Variants in MCU observed in about 807,000 individuals in gnomAD.
MCU encodes the protein mitochondrial calcium uniporter.
In MCU, 12 loss-of-function variants were observed where a neutral mutation model predicts 45.2. The ratio of observed to expected loss-of-function variants is 0.27; its 90% CI spans 0.17 to 0.43. MCU has a LOEUF of 0.43. Among genes scored for constraint, MCU ranks in the 20% least tolerant of loss-of-function variants. MCU has a pLI of 1.00. For synonymous variants in MCU, 160 were observed against 165.1 expected, an observed-to-expected ratio of 0.97 and a Z score of 0.24; for missense variants, 324 against 436.7, an observed-to-expected ratio of 0.74 and a Z score of 2.30.
intron 2 of MCU, among the ~76,000 whole-genome samples, chr10:72,852,544 A>G (rs1845223191): frequency 6.6e-6 from 1 of 152,246 alleles, no homozygotes; most frequent in Non-Finnish European, 1.5e-5. Context: ...CAATAGGCAC[A>G]CAGGACTGTG....
chr10:72,719,351 A>AATC (rs1253863143), intron 1 of MCU, among the ~76,000 whole-genome samples: 1 of 152,206 alleles, frequency 6.6e-6, no homozygotes, highest in Non-Finnish European at 1.5e-5. Flanking sequence ...TGATGTTAAT[A>AATC]ATCTGTTGTT....
chr10:72,707,121 C>T (rs1042481499), intron 1 of MCU, among the ~76,000 whole-genome samples: 1 of 151,724 alleles, frequency 6.6e-6, no homozygotes, highest in Non-Finnish European at 1.5e-5. Context: ...TGAGCCACCA[C>T]ACCTGGGCGG....
Position 72,885,913 on chromosome 10 carries a change from G to A in MCU, c.*91G>A, listed in dbSNP as rs905601658. On this transcript the variant is annotated 3_prime_UTR_variant, in exon 8 of 8. Coordinates refer to ENST00000373053, the MANE Select transcript of MCU (RefSeq NM_138357.3). ...AGGTGGAAGCTGGGAGCCATGTGGG[G>A]GGTAGAGCGTTTTTACCTTTAATTA... 5.1e-6 allele frequency: 5 copies of A among 982,678 alleles called. No homozygotes were observed. Among genetic ancestry groups the A allele is most frequent in the African/African-American group, 4.9e-5 (3 of 61,418 alleles). 60.9% of individuals were successfully genotyped at this position (982,678 alleles called of 1,614,324 possible). A position where few individuals can be genotyped will look rare whatever the true frequency, so the allele number is the denominator to read the frequency against.
At chr10:72,692,736 T>A in intron 1 of MCU, 1 of 1,285,426 alleles carries the variant, frequency 7.8e-7, no homozygotes, top group Non-Finnish European at 9.8e-7. Context: ...CCGCCTTGTG[T>A]GTGCCAGGAG....
At position 72,704,818 on chromosome 10, in the gene MCU, T is replaced by C. The variant is rs1347372365; in HGVS notation, c.150+12517T>C. The stretch of plus-strand genomic sequence containing the variant: ...CAACCTCCACCTCCTGGGTTCTGGT[T>C]CAAGCAGTTCTCCTACCTCAGCCTC... On this transcript the variant is annotated intron_variant, in intron 1 of 7. Coordinates refer to ENST00000373053, the MANE Select transcript of MCU (RefSeq NM_138357.3). Among the ~76,000 whole-genome samples the C allele has an allele frequency of 4.0e-5, 6 of 150,490 alleles. No individual in the cohort carries two copies. The East Asian group carries it at 1.2e-3, about 29-fold the overall frequency.
At position 72,693,029 on chromosome 10, in the gene MCU, G is replaced by A. The variant is rs764882801; in HGVS notation, c.150+728G>A. 24 of 1,536,176 alleles carry A rather than the reference G, an allele frequency of 1.6e-5. 2 individuals carry two copies. The South Asian group carries it at 2.7e-4, about 18-fold the overall frequency. On this transcript the variant is annotated intron_variant, in intron 1 of 7. Coordinates refer to ENST00000373053, the MANE Select transcript of MCU (RefSeq NM_138357.3). ...AAGCGTGTTCACGCGTGCCTGAAGC[G>A]GGAAGGGTGGTCAGCAGGCACAGGA...
rs947137432 is a variant in MCU at position 72,838,640 on chromosome 10, C to CA, written c.220+4221dup. Reference sequence around the variant, plus strand: ...AGAGTCAGACCTTGTCTCACACACACAAAAAAAAAGAGTGAGAGAGAATTG... The same window carrying CA: ...AGAGTCAGACCTTGTCTCACACACACAAAAAAAAAAGAGTGAGAGAGAATTG... On this transcript the variant is annotated intron_variant, in intron 2 of 7. Transcript: ENST00000373053. Among the ~76,000 whole-genome samples, 31 of 149,518 alleles carry CA rather than the reference C, an allele frequency of 2.1e-4. 1 individual carries two copies. The highest frequency in any genetic ancestry group is 4.0e-4 in the Admixed American group (6 of 15,046).
chr10:72,874,850 G>A lies in MCU; in HGVS notation c.861+3270G>A, dbSNP rs79650469. Among the ~76,000 whole-genome samples, 813 of 152,262 alleles carry A rather than the reference G, an allele frequency of 5.3e-3. 4 individuals are homozygous for A. Among genetic ancestry groups the A allele is most frequent in the East Asian group, 0.026 (135 of 5,182 alleles). On this transcript the variant is annotated intron_variant, in intron 6 of 7. Coordinates refer to ENST00000373053, the MANE Select transcript of MCU (RefSeq NM_138357.3). The stretch of plus-strand genomic sequence containing the variant: ...CTGATTAATTGGGTACAAAATAGTG[G>A]TATTTCCTTGTGGACTTTCCATTTC...
At position 72,699,332 on chromosome 10, in the gene MCU, C is replaced by T. The variant is rs570134152; in HGVS notation, c.150+7031C>T. ...CCAGCCTGACTAATATGGTGAAACCCCGTCTCTACTAAAAATACAAAAAAA... is the reference window on the plus strand; with the variant it reads ...CCAGCCTGACTAATATGGTGAAACCTCGTCTCTACTAAAAATACAAAAAAA... On this transcript the variant is annotated intron_variant, in intron 1 of 7. Transcript: ENST00000373053. Among the ~76,000 whole-genome samples, 11 of 152,060 alleles carry T rather than the reference C, an allele frequency of 7.2e-5. No individual in the cohort carries two copies. In the South Asian group the frequency reaches 2.1e-3, roughly 29 times the overall value.
In MCU at chr10:72,860,487, C is replaced by A; in HGVS notation, c.456C>A (p.Val152=). 1 of 1,613,896 alleles carries A rather than the reference C, an allele frequency of 6.2e-7. No individual in the cohort carries two copies. The highest frequency in any genetic ancestry group is 1.1e-5 in the South Asian group (1 of 91,042). Residue 152 remains valine, a synonymous_variant, in exon 4 of 8, where the codon GTC becomes GTA. Transcript: ENST00000373053. ...DLLLLDDFKL[V]INDLTYHVRP... ...TCCTCCTTGATGACTTTAAGCTGGT[C>A]ATTAATGACTTAACATACCACGTAC...
intron 2 of MCU, among the ~76,000 whole-genome samples, chr10:72,836,555 C>CA: frequency 6.6e-6 from 1 of 151,882 alleles, no homozygotes. Flanking sequence ...AGTAATTTAA[C>CA]AATGGTACAG....
At chr10:72,747,800 G>C (rs1843435800) in intron 1 of MCU, among the ~76,000 whole-genome samples, 1 of 152,010 alleles carries the variant, frequency 6.6e-6, no homozygotes, top group South Asian at 2.1e-4. Flanking sequence ...CATGCCACTG[G>C]CTTGACAGAA....
chr10:72,841,793 C>G (rs1201934029), intron 2 of MCU, among the ~76,000 whole-genome samples: 1 of 152,078 alleles, frequency 6.6e-6, no homozygotes, highest in Non-Finnish European at 1.5e-5. Flanking sequence ...GCCTGCTACC[C>G]CAGAAGTAAT....
At chr10:72,831,953 G>A (rs928691159) in intron 1 of MCU, among the ~76,000 whole-genome samples, 5 of 152,148 alleles carry the variant, frequency 3.3e-5, no homozygotes, top group South Asian at 4.1e-4. Context: ...TTCAAAGGCC[G>A]TTAAAAGAAC....
rs201857095 is a variant in MCU at position 72,810,007 on chromosome 10, CAT to C, written c.151-24351_151-24350del. Reference sequence around the variant, plus strand: ...TAGTGAAGGCAGGCTTCTGTGTGTGCATGTGTGTGTGTGTTTGTATGTGTGTG... The same window carrying C: ...TAGTGAAGGCAGGCTTCTGTGTGTGCGTGTGTGTGTGTTTGTATGTGTGTG... On this transcript the variant is annotated intron_variant, in intron 1 of 7. Transcript: ENST00000373053. Among the ~76,000 whole-genome samples, 842 of 112,814 alleles carry C rather than the reference CAT, an allele frequency of 7.5e-3. 4 individuals carry two copies. Among genetic ancestry groups the C allele is most frequent in the African/African-American group, 0.02 (779 of 39,914 alleles). The allele number at this position is 112,814 out of a possible 152,430, so 74.0% of individuals were successfully genotyped here. A position where few individuals can be genotyped will look rare whatever the true frequency, so the allele number is the denominator to read the frequency against.
intron 1 of MCU, among the ~76,000 whole-genome samples, chr10:72,833,352 ATTAT>A (rs1844907902): frequency 6.6e-6 from 1 of 152,218 alleles, no homozygotes; most frequent in South Asian, 2.1e-4. Flanking sequence ...TAATTTTTAA[ATTAT>A]TTATTTAAAT....
At chr10:72,816,175 AAAT>A (rs1487517735) in intron 1 of MCU, among the ~76,000 whole-genome samples, 3 of 152,200 alleles carry the variant, frequency 2.0e-5, no homozygotes, top group African/African-American at 4.8e-5. Context: ...CATCTCAAAA[AAAT>A]AATAATAAAC....
At chr10:72,840,486 CTTTT>C (rs1302180667) in intron 2 of MCU, among the ~76,000 whole-genome samples, 2 of 152,204 alleles carry the variant, frequency 1.3e-5, no homozygotes, top group African/African-American at 4.8e-5. Flanking sequence ...TTATTAATGA[CTTTT>C]TTGTCAAGTC....
chr10:72,722,438 C>T (rs574073869), intron 1 of MCU, among the ~76,000 whole-genome samples: 4 of 151,582 alleles, frequency 2.6e-5, no homozygotes, highest in African/African-American at 9.7e-5. Flanking sequence ...TTTAACCTCC[C>T]GCTTGACTTA....
Sources: gnomAD v4.1 joint callset for allele counts (sites outside exome capture counted in the v4.1 genomes callset) on GRCh38, gnomAD v4.1.1 for gene constraint, MANE v1.5 for transcripts, NCBI Gene and HGNC (gene_info 2026-07-23, HGNC 2026-07-21) for gene names.